Variants in UCHL3 observed in about 807,000 individuals in gnomAD.
UCHL3 encodes ubiquitin carboxyl-terminal hydrolase isozyme L3.
In UCHL3, 22 loss-of-function variants were observed where a neutral mutation model predicts 35.8. That is an observed-to-expected ratio of 0.61 (90% CI 0.44 to 0.88). UCHL3 has a LOEUF of 0.88. UCHL3 is among the 40% of genes least tolerant of loss of function. The probability of loss-of-function intolerance (pLI) is 0.00; values close to 1 mark genes in which losing one functional copy is unlikely to be tolerated. For synonymous variants in UCHL3, 90 were observed against 92.8 expected (o/e 0.97, Z 0.17); for missense variants, 229 against 276.9 (o/e 0.83, Z 1.23).
chr13:75,592,421 T>TATATATATGTATATAC lies in UCHL3; in HGVS notation c.475-2486_475-2485insGTATATACATATATAT, dbSNP rs1566227792. On this transcript the variant is annotated intron_variant, in intron 6 of 8. Coordinates refer to ENST00000377595, the MANE Select transcript of UCHL3 (RefSeq NM_006002.5). ...GGAATTTTAATTTTTCCTTCATATA[T>TATATATATGTATATAC]ATATATATATATATATATATATATA... Among the ~76,000 whole-genome samples the TATATATATGTATATAC allele has an allele frequency of 3.9e-4, 17 of 43,886 alleles. 1 individual carries two copies. The highest frequency in any genetic ancestry group is 2.2e-3 in the African/African-American group (17 of 7,706). The allele number at this position is 43,886 out of a possible 152,430, so 28.8% of individuals were successfully genotyped here. A position where few individuals can be genotyped will look rare whatever the true frequency, so the allele number is the denominator to read the frequency against.
At chr13:75,569,966 T>C (rs2031800015) in intron 6 of UCHL3, among the ~76,000 whole-genome samples, 1 of 152,258 alleles carries the variant, frequency 6.6e-6, no homozygotes, top group Non-Finnish European at 1.5e-5. Flanking sequence ...ATCTTTACCC[T>C]GTTAGCTAGT....
chr13:75,579,340 T>A (rs1375519083), intron 6 of UCHL3, among the ~76,000 whole-genome samples: 1 of 152,108 alleles, frequency 6.6e-6, no homozygotes, highest in Non-Finnish European at 1.5e-5. Context: ...CTGATCTTTG[T>A]TTTTCTTTAC....
chr13:75,597,003 T>A (rs1279782376), intron 7 of UCHL3, among the ~76,000 whole-genome samples: 1 of 152,206 alleles, frequency 6.6e-6, no homozygotes, highest in Non-Finnish European at 1.5e-5. Context: ...ATTTTTTAAA[T>A]GAGTTTAAAT....
intron 7 of UCHL3, among the ~76,000 whole-genome samples, chr13:75,602,664 T>G (rs1175948762): frequency 2.0e-5 from 3 of 152,204 alleles, no homozygotes; most frequent in African/African-American, 7.2e-5. Flanking sequence ...AAAATTTTTC[T>G]GTGAAGGACC....
At chr13:75,578,440 T>C (rs938491947) in intron 6 of UCHL3, among the ~76,000 whole-genome samples, 1 of 152,162 alleles carries the variant, frequency 6.6e-6, no homozygotes, top group African/African-American at 2.4e-5. Flanking sequence ...CTTTCATTTG[T>C]TCAATCAGAT....
At chr13:75,562,224 A>G (rs937000720) in intron 3 of UCHL3, among the ~76,000 whole-genome samples, 4 of 152,128 alleles carry the variant, frequency 2.6e-5, no homozygotes, top group Non-Finnish European at 5.9e-5. Context: ...ATTAAATAAC[A>G]TTGAAAATTT....
intron 7 of UCHL3, among the ~76,000 whole-genome samples, chr13:75,596,553 A>C (rs142309264): frequency 1.3e-5 from 2 of 152,222 alleles, no homozygotes; most frequent in African/African-American, 2.4e-5. Flanking sequence ...AACTTCAAGA[A>C]AGTAGATTTG....
intron 2 of UCHL3, among the ~76,000 whole-genome samples, chr13:75,551,531 C>T (rs899208804): frequency 2.0e-5 from 3 of 152,102 alleles, no homozygotes; most frequent in African/African-American, 7.2e-5. Flanking sequence ...ATCAGTATCC[C>T]TTATGAACAT....
chr13:75,575,911 C>A (rs2032006502), intron 6 of UCHL3, among the ~76,000 whole-genome samples: 1 of 151,928 alleles, frequency 6.6e-6, no homozygotes, highest in Non-Finnish European at 1.5e-5. Context: ...GCCACCACAC[C>A]CAGCTAATTT....
chr13:75,588,077 A>C (rs775987659), intron 6 of UCHL3, among the ~76,000 whole-genome samples: 19 of 152,150 alleles, frequency 1.2e-4, no homozygotes, highest in Admixed American at 3.9e-4. Flanking sequence ...AATACCCATG[A>C]AAAAGTAAGA....
In UCHL3 at chr13:75,567,238, A is replaced by G. The variant is rs12872971; in HGVS notation, c.352A>G (p.Thr118Ala). Residue 118 changes from threonine (T) to alanine (A), a missense_variant, in exon 5 of 9, where the codon ACC (threonine) becomes GCC (alanine). Transcript: ENST00000377595. ...KDKMHFESGSTLKKFLEESVS... is the reference protein window; with the variant it reads ...KDKMHFESGSALKKFLEESVS... ...TTTCATATTCTCAGAATCTGGATCA[A>G]CCTTGAAAAAATTCCTGGAGGAATC... The G allele has an allele frequency of 5.6e-6, 9 of 1,614,086 alleles. No individual in the cohort carries two copies. In the African/African-American group the frequency reaches 9.3e-5, roughly 17 times the overall value.
At chr13:75,592,463 TATA>T (rs2032535490) in intron 6 of UCHL3, among the ~76,000 whole-genome samples, 1 of 109,628 alleles carries the variant, frequency 9.1e-6, no homozygotes. Context: ...TATATATATA[TATA>T]TGAAGGAAAA....
rs2031700641 is a variant in UCHL3, at chr13:75,566,861, T to G, written c.340+10T>G. ...GACAAGATGCACTTTGGTAAATGAT[T>G]TTTCATTACTGCATTTTTTCCCCCT... On this transcript the variant is annotated intron_variant, in intron 4 of 8. Coordinates refer to ENST00000377595, the MANE Select transcript of UCHL3 (RefSeq NM_006002.5). 6.3e-7 allele frequency: 1 copy of G among 1,581,112 alleles called. No homozygotes were observed. Among genetic ancestry groups the G allele is most frequent in the Non-Finnish European group, 8.6e-7 (1 of 1,165,118 alleles).
At chr13:75,572,203 T>A (rs981780091) in intron 6 of UCHL3, among the ~76,000 whole-genome samples, 1 of 152,214 alleles carries the variant, frequency 6.6e-6, no homozygotes, top group African/African-American at 2.4e-5. Context: ...ACTTCTTCTA[T>A]CCATTCTTCA....
At chr13:75,570,483 G>T (rs1278779826) in intron 6 of UCHL3, among the ~76,000 whole-genome samples, 2 of 152,178 alleles carry the variant, frequency 1.3e-5, no homozygotes, top group Non-Finnish European at 2.9e-5. Context: ...TGATCCACCT[G>T]TCTCAGCCTC....
At chr13:75,589,283 G>A (rs2032411669) in intron 6 of UCHL3, among the ~76,000 whole-genome samples, 1 of 152,058 alleles carries the variant, frequency 6.6e-6, no homozygotes, top group African/African-American at 2.4e-5. Context: ...AAGGTTAAAT[G>A]AACCTATATA....
At chr13:75,578,839 C>T (rs1441149739) in intron 6 of UCHL3, among the ~76,000 whole-genome samples, 2 of 151,830 alleles carry the variant, frequency 1.3e-5, no homozygotes, top group African/African-American at 4.8e-5. Flanking sequence ...AATATATATA[C>T]ATAATTAAAG....
chr13:75,561,844 C>T (rs548420496), intron 3 of UCHL3, among the ~76,000 whole-genome samples: 18 of 145,622 alleles, frequency 1.2e-4, no homozygotes, highest in African/African-American at 4.5e-4. Context: ...TATACGTATA[C>T]GTATACATAC....
At chr13:75,554,062 T>C (rs1490880189) in intron 2 of UCHL3, among the ~76,000 whole-genome samples, 3 of 152,146 alleles carry the variant, frequency 2.0e-5, no homozygotes, top group Non-Finnish European at 4.4e-5. Context: ...CTTTCTTTCT[T>C]TTTTCCTTTT....
Sources: allele counts gnomAD v4.1 joint callset (sites outside exome capture counted in the v4.1 genomes callset), GRCh38; gene constraint gnomAD v4.1.1; transcripts MANE v1.5; gene names NCBI Gene and HGNC (gene_info 2026-07-23, HGNC 2026-07-21).